The following GRID2 variants were observed in gnomAD, a reference collection of about 807,000 sequenced individuals.
GRID2 encodes the protein glutamate receptor ionotropic, delta-2.
Under a neutral mutation model 114.8 loss-of-function variants are expected in GRID2, and 33 were observed. The observed-to-expected ratio is 0.29, with a 90% CI of 0.22 to 0.38. The LOEUF (loss-of-function observed/expected upper bound fraction) is 0.38. GRID2 is among the 10% of genes least tolerant of loss of function. GRID2 has a pLI of 1.00. For synonymous variants in GRID2, 505 were observed against 449.9 expected, an observed-to-expected ratio of 1.12 and a Z score of -1.55; for missense variants, 1,184 against 1,257.7, an observed-to-expected ratio of 0.94 and a Z score of 0.89.
chr4:92,938,967 T>C (rs1016445957), intron 2 of GRID2, among the ~76,000 whole-genome samples: 8 of 147,206 alleles, frequency 5.4e-5, no homozygotes, highest in Admixed American at 1.5e-4. Context: ...TCTATCATTG[T>C]TGGACATTTG....
At chr4:92,841,909 A>C (rs1321561907) in intron 2 of GRID2, among the ~76,000 whole-genome samples, 1 of 152,098 alleles carries the variant, frequency 6.6e-6, no homozygotes, top group East Asian at 1.9e-4. Flanking sequence ...ATACCAGCTA[A>C]GGACTGTGAA....
chr4:92,527,548 C>T (rs559797668), intron 1 of GRID2, among the ~76,000 whole-genome samples: 4 of 152,118 alleles, frequency 2.6e-5, no homozygotes, highest in East Asian at 1.9e-4. Flanking sequence ...ATCTGAGATA[C>T]TAAAATAGCT....
At chr4:93,595,140 C>A (rs1280909694) in intron 13 of GRID2, among the ~76,000 whole-genome samples, 1 of 152,200 alleles carries the variant, frequency 6.6e-6, no homozygotes, top group Non-Finnish European at 1.5e-5. Flanking sequence ...GACCTCCAGG[C>A]CTCTATCTTG....
chr4:93,117,417 C>T (rs1200747138), intron 4 of GRID2, among the ~76,000 whole-genome samples: 1 of 151,992 alleles, frequency 6.6e-6, no homozygotes, highest in Admixed American at 6.6e-5. Flanking sequence ...CATTTACGTA[C>T]AATCAGTCTG....
At chr4:92,670,506 A>G (rs570563766) in intron 2 of GRID2, among the ~76,000 whole-genome samples, 12 of 152,046 alleles carry the variant, frequency 7.9e-5, no homozygotes, top group Non-Finnish European at 1.6e-4. Context: ...TATGCTTATG[A>G]ACATTAGGTA....
chr4:93,661,959 G>A (rs987159854), intron 14 of GRID2, among the ~76,000 whole-genome samples: 1 of 152,008 alleles, frequency 6.6e-6, no homozygotes, highest in African/African-American at 2.4e-5. Flanking sequence ...TACAGCATGT[G>A]GGCTCCCCGC....
intron 2 of GRID2, among the ~76,000 whole-genome samples, chr4:92,819,450 A>G (rs1390562134): frequency 2.0e-5 from 3 of 152,098 alleles, no homozygotes; most frequent in Admixed American, 2.0e-4. Flanking sequence ...AAAAAGGAAT[A>G]TTAGAATCAC....
At chr4:92,630,967 G>A (rs1730777866) in intron 2 of GRID2, among the ~76,000 whole-genome samples, 1 of 150,872 alleles carries the variant, frequency 6.6e-6, no homozygotes, top group Admixed American at 6.6e-5. Context: ...TTCCAGGAAG[G>A]AACTATTTCC....
intron 14 of GRID2, among the ~76,000 whole-genome samples, chr4:93,699,795 A>G (rs1000615916): frequency 6.6e-6 from 1 of 152,304 alleles, no homozygotes; most frequent in African/African-American, 2.4e-5. Context: ...GTTATGACAT[A>G]AAGTTTAAAA....
chr4:92,996,646 T>G (rs866979807), intron 2 of GRID2, among the ~76,000 whole-genome samples: 9 of 152,268 alleles, frequency 5.9e-5, no homozygotes, highest in South Asian at 2.1e-4. Flanking sequence ...AGCCGGAAAA[T>G]TCTAAACTCT....
At chr4:93,504,317 A>G (rs1480126784) in intron 12 of GRID2, among the ~76,000 whole-genome samples, 1 of 152,062 alleles carries the variant, frequency 6.6e-6, no homozygotes, top group Non-Finnish European at 1.5e-5. Flanking sequence ...GTGATCAATA[A>G]TATTTCAATG....
At chr4:93,479,295 C>T (rs1003587233) in intron 11 of GRID2, among the ~76,000 whole-genome samples, 9 of 151,884 alleles carry the variant, frequency 5.9e-5, no homozygotes, top group Non-Finnish European at 8.8e-5. Flanking sequence ...GGGGTTACCA[C>T]AAAGCCTCAA....
At chr4:93,409,635 G>A (rs556456867) in intron 9 of GRID2, among the ~76,000 whole-genome samples, 1 of 152,248 alleles carries the variant, frequency 6.6e-6, no homozygotes, top group Non-Finnish European at 1.5e-5. Flanking sequence ...ACACGACCAT[G>A]TCAAAGACTA....
chr4:93,240,255 A>G (rs1747334304), intron 8 of GRID2, among the ~76,000 whole-genome samples: 1 of 151,678 alleles, frequency 6.6e-6, no homozygotes, highest in Non-Finnish European at 1.5e-5. Flanking sequence ...TACCACCAGC[A>G]GTGCAGGCAT....
chr4:93,705,208 T>C (rs887005675), intron 14 of GRID2, among the ~76,000 whole-genome samples: 8 of 152,240 alleles, frequency 5.3e-5, no homozygotes, highest in African/African-American at 1.9e-4. Flanking sequence ...TGATCAATGA[T>C]GTTGAGCACC....
intron 3 of GRID2, among the ~76,000 whole-genome samples, chr4:93,099,697 A>T (rs988613365): frequency 2.0e-5 from 3 of 151,838 alleles, no homozygotes; most frequent in Non-Finnish European, 4.4e-5. Context: ...TTCAAACTAG[A>T]GTCAGTACAT....
At chr4:93,745,256 A>G (rs386473951) in intron 14 of GRID2, among the ~76,000 whole-genome samples, 9 of 152,238 alleles carry the variant, frequency 5.9e-5, no homozygotes, top group Non-Finnish European at 1.0e-4. Context: ...CAAGAACGTT[A>G]ATTGCTGACC....
At chr4:93,553,422 T>C (rs763713679) in intron 13 of GRID2, among the ~76,000 whole-genome samples, 1 of 152,194 alleles carries the variant, frequency 6.6e-6, no homozygotes, top group Non-Finnish European at 1.5e-5. Context: ...CTCTTGTATA[T>C]CTGTAACTGA....
intron 12 of GRID2, among the ~76,000 whole-genome samples, chr4:93,503,546 A>G (rs892402147): frequency 9.5e-5 from 13 of 136,452 alleles, no homozygotes; most frequent in African/African-American, 3.1e-4. Flanking sequence ...TCATTGTTCA[A>G]TTCCCACCTA....
Sources: allele counts gnomAD v4.1 joint callset (sites outside exome capture counted in the v4.1 genomes callset), GRCh38; gene constraint gnomAD v4.1.1; transcripts MANE v1.5; gene names NCBI Gene and HGNC (gene_info 2026-07-23, HGNC 2026-07-21).